The following SLC25A16 variants were observed in gnomAD, a reference collection of about 807,000 sequenced individuals.
The protein encoded by SLC25A16 is solute carrier family 25 member 16.
In SLC25A16, 39 loss-of-function variants were observed where a neutral mutation model predicts 41.5. The observed-to-expected ratio is 0.94, with a 90% confidence interval of 0.73 to 1.23. SLC25A16 has a LOEUF of 1.23. Ranked by LOEUF, SLC25A16 falls within the 50% of genes most tolerant of loss-of-function variation. The probability of loss-of-function intolerance (pLI) is 0.00; values close to 1 mark genes in which losing one functional copy is unlikely to be tolerated. For missense variants in SLC25A16, 421 were observed against 426.9 expected, an observed-to-expected ratio of 0.99 and a Z score of 0.12; for synonymous variants, 146 against 147.8, an observed-to-expected ratio of 0.99 and a Z score of 0.09.
At chr10:68,493,402 A>C in intron 5 of SLC25A16, 47 bp downstream of exon 5, 1 of 1,511,348 alleles carries the variant, frequency 6.6e-7, no homozygotes, top group Non-Finnish European at 9.2e-7. Flanking sequence ...ATATTTTCCT[A>C]AGTATAAAAG....
chr10:68,496,448 G>T (rs1380937754), intron 4 of SLC25A16: 1 of 980,686 alleles, frequency 1.0e-6, no homozygotes, highest in South Asian at 4.7e-5. Flanking sequence ...AATAGTGGTG[G>T]TAACAGCTTT....
At chr10:68,525,886 A>T (rs2053329638) in intron 1 of SLC25A16, among the ~76,000 whole-genome samples, 1 of 152,150 alleles carries the variant, frequency 6.6e-6, no homozygotes, top group Admixed American at 6.6e-5. Context: ...TTTGTTAAAC[A>T]GATGCTTGAA....
At chr10:68,503,757 T>C in intron 3 of SLC25A16, 62 bp from the exon 4 acceptor site, 1 of 991,966 alleles carries the variant, frequency 1.0e-6, no homozygotes, top group Non-Finnish European at 1.6e-6. Flanking sequence ...TTTCACTGTT[T>C]AATAATGAAG....
At chr10:68,487,038 T>A in intron 8 of SLC25A16, 106 bp downstream of exon 8, 1 of 647,898 alleles carries the variant, frequency 1.5e-6, no homozygotes. Context: ...CTTCGGGAGA[T>A]AAAACGGAAG....
intron 2 of SLC25A16, among the ~76,000 whole-genome samples, chr10:68,508,663 A>G (rs1223629072): frequency 2.0e-5 from 3 of 152,068 alleles, no homozygotes; most frequent in African/African-American, 7.2e-5. Flanking sequence ...GGTTGCAGTG[A>G]GCCGAGATTG....
chr10:68,486,325 GCTCAAGTGATC>G (rs2052562890), intron 8 of SLC25A16, among the ~76,000 whole-genome samples: 1 of 151,330 alleles, frequency 6.6e-6, no homozygotes, highest in South Asian at 2.1e-4. Context: ...GGACTCCTGA[GCTCAAGTGATC>G]CTCCCACCTT....
intron 1 of SLC25A16, among the ~76,000 whole-genome samples, chr10:68,527,037 G>T (rs904113228): frequency 6.6e-6 from 1 of 152,138 alleles, no homozygotes; most frequent in African/African-American, 2.4e-5. Flanking sequence ...AGCCTCTGCC[G>T]GAGTGCCAAA....
intron 2 of SLC25A16, among the ~76,000 whole-genome samples, chr10:68,515,314 G>A (rs1286357665): frequency 1.0e-4 from 15 of 146,522 alleles, no homozygotes; most frequent in African/African-American, 3.8e-4. Context: ...CCGAGATAGC[G>A]CCATTTCACT....
intron 4 of SLC25A16, among the ~76,000 whole-genome samples, chr10:68,495,644 C>G (rs1205458213): frequency 6.6e-6 from 1 of 151,124 alleles, no homozygotes; most frequent in African/African-American, 2.4e-5. Flanking sequence ...ATTAGCCAGG[C>G]ATGATGGTGG....
At chr10:68,518,607 C>G (rs1204909328) in intron 1 of SLC25A16, among the ~76,000 whole-genome samples, 1 of 151,374 alleles carries the variant, frequency 6.6e-6, no homozygotes, top group Non-Finnish European at 1.5e-5. Context: ...AATCCCATCT[C>G]TACTAAAAAC....
At chr10:68,522,418 G>A (rs2053264569) in intron 1 of SLC25A16, among the ~76,000 whole-genome samples, 1 of 151,266 alleles carries the variant, frequency 6.6e-6, no homozygotes, top group Non-Finnish European at 1.5e-5. Context: ...AGTGGCTCAT[G>A]CCTGTAATTC....
intron 1 of SLC25A16, among the ~76,000 whole-genome samples, chr10:68,521,891 C>A (rs1333969939): frequency 1.3e-5 from 2 of 151,254 alleles, no homozygotes; most frequent in Admixed American, 6.6e-5. Flanking sequence ...GCCACCGCGC[C>A]CGGCCATGCC....
chr10:68,508,061 T>A (rs1018624736), intron 2 of SLC25A16, among the ~76,000 whole-genome samples: 2 of 151,980 alleles, frequency 1.3e-5, no homozygotes, highest in African/African-American at 4.8e-5. Context: ...TGAAACCCTG[T>A]CTCTACTAAA....
intron 1 of SLC25A16, among the ~76,000 whole-genome samples, chr10:68,524,979 A>G (rs1249532493): frequency 6.6e-6 from 1 of 151,754 alleles, no homozygotes; most frequent in Non-Finnish European, 1.5e-5. Context: ...CCCAGGAAGC[A>G]GAGGTTGCAG....
Position 68,493,200 on chromosome 10 carries a change from T to C in SLC25A16, c.544-2A>G. 6.3e-7 allele frequency: 1 copy of C among 1,583,184 alleles called. No individual in the cohort carries two copies. Among genetic ancestry groups the C allele is most frequent in the Non-Finnish European group, 8.6e-7 (1 of 1,165,914 alleles). ...GTAAAATCCAAAGAAACCACCTTCC[T>C]TTTGAGTGAAGGAAAATTGCAAGTG... On this transcript the variant is annotated splice_acceptor_variant, in intron 5 of 8. Transcript: ENST00000609923. LOFTEE classifies it high-confidence loss of function.
Position 68,488,129 on chromosome 10 carries a change from C to T in SLC25A16, c.773+338G>A, listed in dbSNP as rs1044721885. Among the ~76,000 whole-genome samples, 5 of 152,180 alleles carry T rather than the reference C, an allele frequency of 3.3e-5. No homozygotes were observed. The South Asian group carries it at 6.2e-4, about 19-fold the overall frequency. ...CCTCCCAAACTGCTGGGATTACAGA[C>T]GTGAGTCACCGCGCCCACCCTCTTT... On this transcript the variant is annotated intron_variant, in intron 7 of 8. Coordinates refer to ENST00000609923, the MANE Select transcript of SLC25A16 (RefSeq NM_152707.4).
intron 1 of SLC25A16, among the ~76,000 whole-genome samples, chr10:68,523,380 A>C (rs182828091): frequency 6.6e-6 from 1 of 152,258 alleles, no homozygotes; most frequent in East Asian, 1.9e-4. Flanking sequence ...GGCCTGAACC[A>C]GTGCACCCGG....
In SLC25A16 at chr10:68,527,293, G is replaced by A; in HGVS notation, c.83C>T (p.Pro28Leu). 2 of 1,546,770 alleles carry A rather than the reference G, an allele frequency of 1.3e-6. No homozygotes were observed. The highest frequency in any genetic ancestry group is 1.4e-5 in the African/African-American group (1 of 72,288). The change falls in exon 1 of 9, where the codon CCC becomes CTC. Residue 28 changes from proline to leucine, a missense_variant. Physicochemically the swap from Pro to Leu is moderately conservative, Grantham distance 98 (BLOSUM62 -3). Transcript: ENST00000609923. ...AMPQAAGAGGPTTRRDFYWLR... is the reference protein window; with the variant it reads ...AMPQAAGAGGLTTRRDFYWLR... ...CCAGTAGAAGTCTCTGCGGGTTGTG[G>A]GCCCTCCGGCCCCTGCCGCCTGCGG...
chr10:68,523,405 TTC>T (rs2053281247), intron 1 of SLC25A16, among the ~76,000 whole-genome samples: 2 of 152,090 alleles, frequency 1.3e-5, no homozygotes, highest in Admixed American at 1.3e-4. Context: ...AGATATTTTG[TTC>T]TCTGATTTAT....
Sources: allele counts gnomAD v4.1 joint callset (sites outside exome capture counted in the v4.1 genomes callset), GRCh38; gene constraint gnomAD v4.1.1; transcripts MANE v1.5; gene names NCBI Gene and HGNC (gene_info 2026-07-23, HGNC 2026-07-21).